Variants in ADAM32 observed in about 807,000 individuals in gnomAD.
ADAM32 encodes the protein ADAM metallopeptidase domain 32.
Under a neutral mutation model 114.9 loss-of-function variants are expected in ADAM32, and 89 were observed. That is an observed-to-expected ratio of 0.77 (90% confidence interval 0.65 to 0.92). The LOEUF (loss-of-function observed/expected upper bound fraction) is 0.92, where lower values mean the gene tolerates loss of function less well. ADAM32 is among the 40% of genes least tolerant of loss of function. The pLI, the probability that ADAM32 is intolerant of heterozygous loss-of-function variation, is 0.00. For synonymous variants in ADAM32, 285 were observed against 307.5 expected, an observed-to-expected ratio of 0.93 and a Z score of 0.77; for missense variants, 870 against 932.8, an observed-to-expected ratio of 0.93 and a Z score of 0.88.
chr8:39,218,337 C>T (rs539385212), intron 12 of ADAM32, among the ~76,000 whole-genome samples: 10 of 152,136 alleles, frequency 6.6e-5, no homozygotes, highest in Non-Finnish European at 1.2e-4. Context: ...GGCACTGGGT[C>T]TCACGCAAGG....
intron 21 of ADAM32, 109 bp from the exon 22 acceptor site, chr8:39,275,719 G>T (rs977292358): frequency 9.9e-7 from 1 of 1,014,458 alleles, no homozygotes. Flanking sequence ...GTGATTCTTG[G>T]TAGAGAAGAA....
chr8:39,271,234 C>T (rs1026796077), intron 20 of ADAM32, among the ~76,000 whole-genome samples: 1 of 152,106 alleles, frequency 6.6e-6, no homozygotes, highest in African/African-American at 2.4e-5. Context: ...GAGGCACGTG[C>T]TGTATAATAA....
chr8:39,128,332 G>T (rs1227501772), intron 2 of ADAM32, among the ~76,000 whole-genome samples: 1 of 152,078 alleles, frequency 6.6e-6, no homozygotes, highest in Non-Finnish European at 1.5e-5. Flanking sequence ...TCAGAAACTA[G>T]GTTTGTAACC....
At chr8:39,213,807 C>T in intron 12 of ADAM32, among the ~76,000 whole-genome samples, 1 of 152,070 alleles carries the variant, frequency 6.6e-6, no homozygotes, top group Middle Eastern at 3.2e-3. Context: ...CATTAACCAT[C>T]CTTACTCCCT....
At chr8:39,110,225 T>C (rs958818324) in intron 1 of ADAM32, among the ~76,000 whole-genome samples, 10 of 152,124 alleles carry the variant, frequency 6.6e-5, no homozygotes, top group African/African-American at 2.4e-4. Context: ...CCTGCTACCA[T>C]GCCCAGCTAA....
At chr8:39,179,036 G>A (rs1181022362) in intron 10 of ADAM32, among the ~76,000 whole-genome samples, 5 of 152,186 alleles carry the variant, frequency 3.3e-5, no homozygotes. Flanking sequence ...AAGCAGTCTG[G>A]CTGTCCCTTC....
chr8:39,280,548 T>C (rs1813358877), intron 22 of ADAM32, among the ~76,000 whole-genome samples: 1 of 152,074 alleles, frequency 6.6e-6, no homozygotes, highest in South Asian at 2.1e-4. Flanking sequence ...TCGAAGTAAT[T>C]TGAAAAACCT....
chr8:39,207,019 T>A (rs1006681788), intron 11 of ADAM32, among the ~76,000 whole-genome samples: 1 of 152,112 alleles, frequency 6.6e-6, no homozygotes, highest in Non-Finnish European at 1.5e-5. Flanking sequence ...AGAGCCTGTG[T>A]GGACTGAGGC....
chr8:39,200,086 G>A (rs984207915), intron 11 of ADAM32, among the ~76,000 whole-genome samples: 37 of 152,166 alleles, frequency 2.4e-4, no homozygotes, highest in African/African-American at 8.0e-4. Flanking sequence ...AAACATATGT[G>A]TGCATGTGTC....
At chr8:39,271,734 G>C (rs1285708456) in intron 20 of ADAM32, among the ~76,000 whole-genome samples, 4 of 152,132 alleles carry the variant, frequency 2.6e-5, no homozygotes, top group African/African-American at 7.2e-5. Context: ...AGAAAATTTA[G>C]AGTGGGGAAG....
intron 22 of ADAM32, among the ~76,000 whole-genome samples, chr8:39,280,665 C>T (rs968190905): frequency 6.6e-6 from 1 of 152,188 alleles, no homozygotes; most frequent in African/African-American, 2.4e-5. Context: ...GCATGCCCCA[C>T]ATATTTAAAT....
At chr8:39,164,661 GA>G (rs1193951715) in intron 7 of ADAM32, 102 bp from the exon 8 acceptor site, 1 of 823,824 alleles carries the variant, frequency 1.2e-6, no homozygotes, top group African/African-American at 1.8e-5. Context: ...TTGAACTGTT[GA>G]AACCCAAAGC....
chr8:39,220,675 G>A (rs543867899), intron 12 of ADAM32, among the ~76,000 whole-genome samples: 1 of 151,704 alleles, frequency 6.6e-6, no homozygotes, highest in South Asian at 2.1e-4. Flanking sequence ...ATTGACTATT[G>A]ATCATTCAGG....
At chr8:39,243,811 G>GAAAA (rs1336580006) in intron 16 of ADAM32, among the ~76,000 whole-genome samples, 1 of 150,800 alleles carries the variant, frequency 6.6e-6, no homozygotes, top group Non-Finnish European at 1.5e-5. Context: ...AAGAAAGAAA[G>GAAAA]AGTATTCAAA....
chr8:39,179,834 G>A (rs571668990), intron 10 of ADAM32, among the ~76,000 whole-genome samples: 8 of 152,310 alleles, frequency 5.3e-5, no homozygotes, highest in Non-Finnish European at 7.4e-5. Flanking sequence ...TTTGCTTGCC[G>A]TTTTCATTCC....
intron 19 of ADAM32, among the ~76,000 whole-genome samples, chr8:39,259,416 C>A (rs1811874926): frequency 6.6e-6 from 1 of 151,830 alleles, no homozygotes; most frequent in Non-Finnish European, 1.5e-5. Flanking sequence ...AGCAGCTGCT[C>A]TCAAATGGTT....
intron 12 of ADAM32, among the ~76,000 whole-genome samples, chr8:39,218,566 G>C (rs879842696): frequency 6.6e-5 from 10 of 152,164 alleles, no homozygotes; most frequent in Non-Finnish European, 1.5e-4. Flanking sequence ...GGCTGATCTG[G>C]CATTCCAACC....
intron 3 of ADAM32, among the ~76,000 whole-genome samples, chr8:39,144,458 G>A (rs769987372): frequency 7.2e-5 from 11 of 152,212 alleles, no homozygotes; most frequent in Non-Finnish European, 1.5e-4. Flanking sequence ...TAGGGTAGAG[G>A]GAGGATGAGA....
chr8:39,208,387 T>C (rs1807988881), intron 11 of ADAM32, among the ~76,000 whole-genome samples: 1 of 152,192 alleles, frequency 6.6e-6, no homozygotes, highest in Non-Finnish European at 1.5e-5. Context: ...TAAAAATTGT[T>C]GTAGTTATTG....
Sources: allele counts gnomAD v4.1 joint callset (sites outside exome capture counted in the v4.1 genomes callset), GRCh38; gene constraint gnomAD v4.1.1; transcripts MANE v1.5; gene names NCBI Gene and HGNC (gene_info 2026-07-23, HGNC 2026-07-21).